The following CDON variants were observed in gnomAD, a reference collection of about 807,000 sequenced individuals.
The protein encoded by CDON is cell adhesion associated, oncogene regulated, also known as cell adhesion molecule-related/down-regulated by oncogenes.
CDON carries 73 observed loss-of-function variants against 120.9 expected under a neutral mutation model. That is an observed-to-expected ratio of 0.60 (90% CI 0.50 to 0.73). The LOEUF is 0.73. Among genes scored for constraint, CDON ranks in the 30% least tolerant of loss-of-function variants. The pLI, the probability that CDON is intolerant of heterozygous loss-of-function variation, is 0.00. For missense variants in CDON, 1,470 were observed against 1,587.3 expected (o/e 0.93, Z 1.26); for synonymous variants, 566 against 573.5 (o/e 0.99, Z 0.19).
At position 125,976,529 on chromosome 11, in the gene CDON, GTTCA is replaced by G. The variant is rs558486341; in HGVS notation, c.3356+1771_3356+1774del. ...CTTGAAAATTAATAGAAATACAATTGTTCATTGTCTTAAAGGAAAAAAAAACTGT... is the reference window on the plus strand; with the variant it reads ...CTTGAAAATTAATAGAAATACAATTGTTGTCTTAAAGGAAAAAAAAACTGT... On this transcript the variant is annotated intron_variant, in intron 18 of 19. Transcript: ENST00000531738. 3.3e-3 allele frequency among the ~76,000 whole-genome samples: 493 copies of G among 149,080 alleles called. 9 individuals are homozygous for G. In the South Asian group the frequency reaches 0.046, roughly 14 times the overall value.
rs558500830 is a variant in CDON at position 125,992,904 on chromosome 11, A to G, written c.2650+1380T>C. Among the ~76,000 whole-genome samples, 59 of 152,336 alleles carry G rather than the reference A, an allele frequency of 3.9e-4. 2 individuals are homozygous for G. The South Asian group carries it at 0.012, about 30-fold the overall frequency. On this transcript the variant is annotated intron_variant, in intron 14 of 19. Coordinates refer to ENST00000531738, the MANE Select transcript of CDON (RefSeq NM_001378964.1). ...AAGAATCAGAATCTTGGAGTGCAAAAAAGACCTTGGAAAAAGCCTTCCTCC... is the reference window on the plus strand; with the variant it reads ...AAGAATCAGAATCTTGGAGTGCAAAGAAGACCTTGGAAAAAGCCTTCCTCC...
At chr11:126,019,222 A>T (rs1481651529) in intron 4 of CDON, among the ~76,000 whole-genome samples, 1 of 152,228 alleles carries the variant, frequency 6.6e-6, no homozygotes, top group Non-Finnish European at 1.5e-5. Context: ...TGCAGCCGGC[A>T]TTCCAGTAGG....
In CDON at chr11:125,981,111, C is replaced by T. The variant is rs887390814; in HGVS notation, c.3214G>A (p.Gly1072Arg). 1.2e-5 allele frequency: 19 copies of T among 1,614,000 alleles called. No homozygotes were observed. Among genetic ancestry groups the T allele is most frequent in the Admixed American group, 5.0e-5 (3 of 60,000 alleles). Residue 1072 changes from glycine (G) to arginine (R), a missense_variant, in exon 17 of 20, where the codon GGG (glycine) becomes AGG (arginine). Coordinates refer to ENST00000531738, the MANE Select transcript of CDON (RefSeq NM_001378964.1). ...NGSLNGGLYS[G>R]HSNSLTRTHV... ...GTCCTGGTTAGAGAGTTGCTGTGCCCGGAGTAAAGCCCTCCATTTAGGCTC... is the reference window on the plus strand; with the variant it reads ...GTCCTGGTTAGAGAGTTGCTGTGCCTGGAGTAAAGCCCTCCATTTAGGCTC...
chr11:126,018,262 C>G (rs1408576156), intron 5 of CDON, 68 bp downstream of exon 5: 1 of 1,476,356 alleles, frequency 6.8e-7, no homozygotes, highest in Non-Finnish European at 9.4e-7. Flanking sequence ...AAAAAATGAA[C>G]TATCATTGCC....
At chr11:126,003,755 G>A (rs1947029230) in intron 10 of CDON, 147 bp downstream of exon 10, 2 of 745,194 alleles carry the variant, frequency 2.7e-6, no homozygotes, top group African/African-American at 1.7e-5. Flanking sequence ...GGGAGGCGGA[G>A]GTTGCAGTGA....
chr11:125,981,625 C>T (rs546546736), intron 16 of CDON, among the ~76,000 whole-genome samples: 3 of 152,122 alleles, frequency 2.0e-5, no homozygotes, highest in African/African-American at 7.2e-5. Context: ...TAGCTGTGAA[C>T]TCTGAGTTAA....
chr11:126,043,907 A>C (rs560710011), intron 1 of CDON, among the ~76,000 whole-genome samples: 4 of 152,342 alleles, frequency 2.6e-5, no homozygotes, highest in African/African-American at 9.6e-5. Flanking sequence ...CTGATCAATA[A>C]ATTATGGTGA....
intron 2 of CDON, among the ~76,000 whole-genome samples, chr11:126,022,940 G>T (rs1308227669): frequency 6.6e-6 from 1 of 152,144 alleles, no homozygotes; most frequent in Admixed American, 6.5e-5. Context: ...AACCCAAAGA[G>T]GTAGACAATA....
chr11:126,008,422 C>G (rs949741843), intron 8 of CDON, among the ~76,000 whole-genome samples: 1 of 152,086 alleles, frequency 6.6e-6, no homozygotes, highest in African/African-American at 2.4e-5. Flanking sequence ...CAACGTAGGA[C>G]CTCTTTGGTA....
intron 7 of CDON, 38 bp from the exon 8 acceptor site, chr11:126,010,732 C>T (rs1166098509): frequency 2.0e-6 from 3 of 1,531,340 alleles, no homozygotes; most frequent in East Asian, 2.3e-5. Flanking sequence ...AAATGAAGAA[C>T]ATTGTAGTAC....
At chr11:126,044,247 G>A (rs977113468) in intron 1 of CDON, among the ~76,000 whole-genome samples, 1 of 152,154 alleles carries the variant, frequency 6.6e-6, no homozygotes, top group African/African-American at 2.4e-5. Context: ...AGTTTTCATT[G>A]AATGGGTTTT....
At chr11:126,025,878 T>C (rs1365563952) in intron 1 of CDON, among the ~76,000 whole-genome samples, 3 of 152,178 alleles carry the variant, frequency 2.0e-5, no homozygotes, top group African/African-American at 7.2e-5. Flanking sequence ...TAAATAAAAC[T>C]AGTAAAACTA....
At chr11:125,981,464 A>C in intron 16 of CDON, 135 bp from the exon 17 acceptor site, 1 of 904,056 alleles carries the variant, frequency 1.1e-6, no homozygotes, top group Non-Finnish European at 1.7e-6. Flanking sequence ...TAAAAAGGAC[A>C]ATCTTCTTGC....
At chr11:126,054,914 C>T (rs764659762) in intron 1 of CDON, among the ~76,000 whole-genome samples, 4 of 152,054 alleles carry the variant, frequency 2.6e-5, no homozygotes, top group Non-Finnish European at 5.9e-5. Flanking sequence ...GATGCGTTTC[C>T]AGCCTGCGAG....
rs1412763745 is a variant in CDON, at chr11:125,960,698, T to A, written c.*244A>T. ...CCCCTCTGCCCTCCAGGTGACTGAATACTATGCAAAACAAGGTTGTTTCCT... is the reference window on the plus strand; with the variant it reads ...CCCCTCTGCCCTCCAGGTGACTGAAAACTATGCAAAACAAGGTTGTTTCCT... On this transcript the variant is annotated 3_prime_UTR_variant, in exon 20 of 20. Coordinates refer to ENST00000531738, the MANE Select transcript of CDON (RefSeq NM_001378964.1). The A allele has an allele frequency of 1.9e-6, 1 of 514,516 alleles. No individual in the cohort carries two copies. Among genetic ancestry groups the A allele is most frequent in the East Asian group, 3.6e-5 (1 of 27,824 alleles). 31.9% of individuals were successfully genotyped at this position (514,516 alleles called of 1,614,324 possible). A position where few individuals can be genotyped will look rare whatever the true frequency, so the allele number is the denominator to read the frequency against.
chr11:125,972,802 C>A (rs559319537), intron 18 of CDON, among the ~76,000 whole-genome samples: 6 of 152,176 alleles, frequency 3.9e-5, no homozygotes, highest in African/African-American at 1.2e-4. Flanking sequence ...CGGAAAAGGC[C>A]CCATGCAAGA....
chr11:126,015,133 C>T (rs780361208), intron 7 of CDON, 108 bp downstream of exon 7: 45 of 1,069,116 alleles, frequency 4.2e-5, no homozygotes, highest in Non-Finnish European at 5.6e-5. Flanking sequence ...CGTTCTTGTA[C>T]GGTGCTAGGG....
intron 13 of CDON, 71 bp downstream of exon 13, chr11:125,994,800 T>G: frequency 1.5e-6 from 2 of 1,337,912 alleles, no homozygotes; most frequent in East Asian, 2.3e-5. Flanking sequence ...CTGTATTGTG[T>G]CATGAGAATA....
chr11:125,981,366 A>ACACACACGCACGCACACATGCACATACG (rs1565501199), intron 16 of CDON, 37 bp from the exon 17 acceptor site: 1 of 1,573,924 alleles, frequency 6.4e-7, no homozygotes, highest in East Asian at 2.2e-5. Flanking sequence ...ACACGCACAC[A>ACACACACGCACGCACACATGCACATACG]CACACACGCA....
Sources: allele counts gnomAD v4.1 joint callset (sites outside exome capture counted in the v4.1 genomes callset), GRCh38; gene constraint gnomAD v4.1.1; transcripts MANE v1.5; gene names NCBI Gene and HGNC (gene_info 2026-07-23, HGNC 2026-07-21).